The following KIAA0586 variants were observed in gnomAD, a reference collection of about 807,000 sequenced individuals.
KIAA0586 encodes protein TALPID3.
In KIAA0586, 144 loss-of-function variants were observed where a neutral mutation model predicts 169.8. The ratio of observed to expected loss-of-function variants is 0.85; its 90% CI spans 0.74 to 0.97. The LOEUF (loss-of-function observed/expected upper bound fraction) is 0.97. Ranked by LOEUF, KIAA0586 falls within the 50% of genes least tolerant of loss-of-function variation. The pLI is 0.00. For missense variants in KIAA0586, 1,854 were observed against 1,823.0 expected (o/e 1.02, Z -0.31); for synonymous variants, 625 against 612.4 (o/e 1.02, Z -0.30).
chr14:58,549,211 A>G lies in KIAA0586; in HGVS notation c.*1279A>G, dbSNP rs1207721665. The G allele has an allele frequency of 6.6e-6, 1 of 152,186 alleles. No individual in the cohort carries two copies. Among genetic ancestry groups the G allele is most frequent in the Non-Finnish European group, 1.5e-5 (1 of 68,032 alleles). The allele number at this position is 152,186 out of a possible 1,614,324, so 9.4% of individuals were successfully genotyped here. ...TCCTTGACTTTTTCAGCATTTTTGT[A>G]GGTTGCTAAGTGGATCTCAGCACTG... On this transcript the variant is annotated 3_prime_UTR_variant, in exon 31 of 31. Transcript: ENST00000652326.
At chr14:58,499,652 G>A (rs1158578034) in intron 27 of KIAA0586, among the ~76,000 whole-genome samples, 2 of 151,940 alleles carry the variant, frequency 1.3e-5, no homozygotes, top group Non-Finnish European at 2.9e-5. Context: ...CCTGCCTCCT[G>A]GGTTCAAGCT....
chr14:58,547,714 CA>C (rs2047067407), intron 30 of KIAA0586, 66 bp from the exon 31 acceptor site: 1 of 1,412,420 alleles, frequency 7.1e-7, no homozygotes, highest in Non-Finnish European at 9.7e-7. Flanking sequence ...TATTATTTCG[CA>C]AAGCATAAAG....
intron 29 of KIAA0586, among the ~76,000 whole-genome samples, chr14:58,538,168 A>G (rs2046418080): frequency 6.6e-6 from 1 of 152,154 alleles, no homozygotes; most frequent in Non-Finnish European, 1.5e-5. Flanking sequence ...TAAAAAACAA[A>G]CAAACAAAAC....
In KIAA0586 at chr14:58,486,483, C is replaced by T. The variant is rs1447097130; in HGVS notation, c.3145-524C>T. Among the ~76,000 whole-genome samples, 3 of 151,934 alleles carry T rather than the reference C, an allele frequency of 2.0e-5. No individual in the cohort carries two copies. The South Asian group carries it at 6.2e-4, about 32-fold the overall frequency. On this transcript the variant is annotated intron_variant, in intron 21 of 30. Coordinates refer to ENST00000652326, the MANE Select transcript of KIAA0586 (RefSeq NM_001329943.3). ...ACCCAGTAATGGTCTCAAAAGAAGA[C>T]ATACAAGCAGTCAACAAACATGAAA...
chr14:58,471,265 ACT>A (rs10591625), intron 17 of KIAA0586, among the ~76,000 whole-genome samples: 40,918 of 151,970 alleles, frequency 0.27, 5,564 homozygotes, highest in East Asian at 0.36. Context: ...AAGTTGTGAA[ACT>A]CTCATGTGAA....
intron 29 of KIAA0586, among the ~76,000 whole-genome samples, chr14:58,516,134 A>G (rs548661722): frequency 2.2e-4 from 34 of 152,260 alleles, no homozygotes; most frequent in Non-Finnish European, 4.4e-5. Flanking sequence ...CAAGTATAGA[A>G]CCATTGGTAG....
chr14:58,487,460 G>A (rs535487737), intron 22 of KIAA0586, among the ~76,000 whole-genome samples: 177 of 152,204 alleles, frequency 1.2e-3, no homozygotes, highest in Non-Finnish European at 1.9e-3. Context: ...ACAAAAATTA[G>A]CCAGGTGTGT....
chr14:58,538,219 A>G (rs2046420248), intron 29 of KIAA0586, among the ~76,000 whole-genome samples: 2 of 152,200 alleles, frequency 1.3e-5, no homozygotes, highest in African/African-American at 4.8e-5. Flanking sequence ...CTATTTGTGG[A>G]TATCAAATAT....
chr14:58,518,599 A>G (rs2044943157), intron 29 of KIAA0586, among the ~76,000 whole-genome samples: 1 of 152,248 alleles, frequency 6.6e-6, no homozygotes, highest in African/African-American at 2.4e-5. Context: ...CTCAGTAAAC[A>G]TTAATTGAGG....
chr14:58,515,659 C>G (rs1194707363), intron 29 of KIAA0586, among the ~76,000 whole-genome samples: 1 of 152,014 alleles, frequency 6.6e-6, no homozygotes, highest in Non-Finnish European at 1.5e-5. Context: ...GATTTCAAAA[C>G]TATGTGTGTG....
intron 29 of KIAA0586, chr14:58,521,740 G>A (rs1359240050): frequency 2.4e-6 from 2 of 829,612 alleles, no homozygotes; most frequent in East Asian, 2.5e-5. Flanking sequence ...AAGGAACAGG[G>A]GAAACAAGCA....
At chr14:58,560,150 C>CAA in the KIAA0586 span, among the ~76,000 whole-genome samples, 2,283 of 86,268 alleles carry the variant, frequency 0.026, 84 homozygotes, top group African/African-American at 0.085. Flanking sequence ...GACTCCATCT[C>CAA]AAAAAAAAAA....
chr14:58,522,306 A>C (rs1009211427), intron 29 of KIAA0586, among the ~76,000 whole-genome samples: 12 of 152,346 alleles, frequency 7.9e-5, no homozygotes, highest in Non-Finnish European at 1.5e-4. Flanking sequence ...TTTGTTATGC[A>C]GGGAGTACAG....
chr14:58,432,326 C>A, intron 3 of KIAA0586, 62 bp from the exon 4 acceptor site: 1 of 981,936 alleles, frequency 1.0e-6, no homozygotes, highest in Non-Finnish European at 1.5e-6. Context: ...TTTTTAGTAG[C>A]TTATTAAAGT....
rs373763986 is a variant in KIAA0586 at position 58,488,673 on chromosome 14, C to T, written c.3580C>T (p.Gln1194Ter). The change falls in exon 24 of 31, where the codon CAG (glutamine) becomes TAG (stop). Residue 1194 changes from glutamine to a stop codon, truncating the protein, a stop_gained. Transcript: ENST00000652326. LOFTEE classifies it high-confidence loss of function. ...ACCAGAGAGTATGGATTTCCCTGCT[C>T]AGCCTCCACCTCCAGAGCCAGTTCC... ...EEPESMDFPA[Q>*]PPPPEPVPFM... 4 of 1,613,768 alleles carry T rather than the reference C, an allele frequency of 2.5e-6. No homozygotes were observed. In the African/African-American group the frequency reaches 5.3e-5, roughly 22 times the overall value.
At chr14:58,488,340 GT>G (rs1176313216) in intron 23 of KIAA0586, among the ~76,000 whole-genome samples, 9 of 152,080 alleles carry the variant, frequency 5.9e-5, no homozygotes, top group Admixed American at 5.9e-4. Context: ...CTATTATATT[GT>G]TAATAAAATA....
chr14:58,434,702 T>C (rs1271394915), intron 4 of KIAA0586, among the ~76,000 whole-genome samples: 1 of 152,246 alleles, frequency 6.6e-6, no homozygotes, highest in Non-Finnish European at 1.5e-5. Context: ...AAAATGGTAA[T>C]AGCAAATTCT....
intron 30 of KIAA0586, 22 bp from the exon 31 acceptor site, chr14:58,547,759 A>T: frequency 6.2e-7 from 1 of 1,610,266 alleles, no homozygotes. Flanking sequence ...TGTTGAGCTG[A>T]ATGAGCTTCT....
intron 29 of KIAA0586, among the ~76,000 whole-genome samples, chr14:58,531,542 A>C (rs1407859428): frequency 6.6e-6 from 1 of 152,130 alleles, no homozygotes; most frequent in East Asian, 1.9e-4. Context: ...GAAACAACAG[A>C]TGCTGAAGAG....
Sources: allele counts gnomAD v4.1 joint callset (sites outside exome capture counted in the v4.1 genomes callset), GRCh38; gene constraint gnomAD v4.1.1; transcripts MANE v1.5; gene names NCBI Gene and HGNC (gene_info 2026-07-23, HGNC 2026-07-21).